CECR2: variants seen among roughly 807,000 people sequenced by gnomAD.
The protein encoded by CECR2 is chromatin remodeling regulator CECR2.
CECR2 carries 30 observed loss-of-function variants against 154.5 expected under a neutral mutation model. That is an observed-to-expected ratio of 0.19 (90% CI 0.15 to 0.26). The LOEUF is 0.26. Ranked by LOEUF, CECR2 falls within the 10% of genes least tolerant of loss-of-function variation. The pLI is 1.00. For missense variants in CECR2, 1,743 were observed against 1,829.3 expected (o/e 0.95, Z 0.86); for synonymous variants, 725 against 683.7 (o/e 1.06, Z -0.94).
chr22:17,406,102 T>G (rs912332559), intron 1 of CECR2, among the ~76,000 whole-genome samples: 1 of 152,240 alleles, frequency 6.6e-6, no homozygotes, highest in African/African-American at 2.4e-5. Flanking sequence ...ATTAATGATA[T>G]CTAATTTAAC....
At chr22:17,476,407 G>A (rs531829363) in intron 1 of CECR2, among the ~76,000 whole-genome samples, 1 of 152,036 alleles carries the variant, frequency 6.6e-6, no homozygotes, top group East Asian at 1.9e-4. Context: ...GATCACAGGT[G>A]CGTGCCACCA....
intron 1 of CECR2, among the ~76,000 whole-genome samples, chr22:17,403,894 T>C (rs60673812): frequency 0.029 from 4,434 of 152,234 alleles, 229 homozygotes; most frequent in African/African-American, 0.1. Context: ...GCATATGATA[T>C]AAAGTACTGA....
intron 1 of CECR2, among the ~76,000 whole-genome samples, chr22:17,371,507 C>A (rs2063060558): frequency 6.6e-6 from 1 of 152,158 alleles, no homozygotes; most frequent in African/African-American, 2.4e-5. Context: ...AACAGAGACA[C>A]GGAAGCTAAA....
chr22:17,503,476 T>C (rs982194395), intron 6 of CECR2, among the ~76,000 whole-genome samples: 3 of 152,234 alleles, frequency 2.0e-5, no homozygotes, highest in Non-Finnish European at 4.4e-5. Context: ...GTTTACTACA[T>C]ACTGGTTTCC....
chr22:17,496,816 T>C (rs1172252235), intron 2 of CECR2, among the ~76,000 whole-genome samples: 2 of 152,178 alleles, frequency 1.3e-5, no homozygotes, highest in Non-Finnish European at 2.9e-5. Flanking sequence ...ACACATTTGA[T>C]TATGCTTTTA....
At chr22:17,383,374 A>C (rs1209405853) in intron 1 of CECR2, among the ~76,000 whole-genome samples, 1 of 152,168 alleles carries the variant, frequency 6.6e-6, no homozygotes, top group Non-Finnish European at 1.5e-5. Flanking sequence ...CCACAGTAAA[A>C]CTTCTTTCAA....
chr22:17,454,931 G>C (rs915954210), intron 1 of CECR2, among the ~76,000 whole-genome samples: 3 of 152,198 alleles, frequency 2.0e-5, no homozygotes, highest in Admixed American at 1.3e-4. Context: ...GTTGTGCCAT[G>C]AGAGTACACC....
intron 1 of CECR2, among the ~76,000 whole-genome samples, chr22:17,389,682 C>G (rs1359831096): frequency 2.0e-5 from 3 of 152,006 alleles, no homozygotes; most frequent in African/African-American, 7.2e-5. Flanking sequence ...GGCTGGAGTT[C>G]AGTGGCACGA....
rs2056778614 is a variant in CECR2, at chr22:17,556,932, G to T, written c.*4092G>T. 6.6e-6 allele frequency: 1 copy of T among 152,072 alleles called. No homozygotes were observed. The highest frequency in any genetic ancestry group is 6.6e-5 in the Admixed American group (1 of 15,264). 9.4% of individuals were successfully genotyped at this position (152,072 alleles called of 1,614,324 possible). On this transcript the variant is annotated 3_prime_UTR_variant, in exon 19 of 19. Transcript: ENST00000262608. ...TTCAGTAAGGATACTTCTTATTTCG[G>T]TTGAGAATGCAGAGGCTTTTATTCG...
In CECR2 at chr22:17,546,772, C is replaced by T. The variant is rs2056620721; in HGVS notation, c.2861-1376C>T. On this transcript the variant is annotated intron_variant, in intron 16 of 18. Coordinates refer to ENST00000262608, the MANE Select transcript of CECR2 (RefSeq NM_001290047.2). The stretch of plus-strand genomic sequence containing the variant: ...AGATTATTTTGGCTGGGCGCGGTGG[C>T]TCACACCTGTAATCCCAGCACTTTG... Among the ~76,000 whole-genome samples, 4 of 152,034 alleles carry T rather than the reference C, an allele frequency of 2.6e-5. No individual in the cohort carries two copies. The South Asian group carries it at 8.3e-4, about 32-fold the overall frequency.
intron 1 of CECR2, among the ~76,000 whole-genome samples, chr22:17,360,867 C>CA (rs869114573): frequency 1.6e-5 from 2 of 124,154 alleles, no homozygotes; most frequent in African/African-American, 6.7e-5. Context: ...AACAAACAAA[C>CA]AAAAAACCCA....
chr22:17,485,505 C>T (rs763199915), intron 2 of CECR2, among the ~76,000 whole-genome samples: 62 of 152,302 alleles, frequency 4.1e-4, no homozygotes, highest in Middle Eastern at 3.4e-3. Flanking sequence ...TGGTGGCTCA[C>T]GCCTGTAATC....
chr22:17,366,038 C>T (rs1192560544), upstream of CECR2, among the ~76,000 whole-genome samples: 3 of 151,986 alleles, frequency 2.0e-5, no homozygotes. Context: ...AAATAGAAAA[C>T]ATTTGATTCA....
In CECR2 at chr22:17,542,779, T is replaced by C; in HGVS notation, c.2636T>C (p.Met879Thr). ...CGGGGGGTGCAGGGAGGGGACTCCA[T>C]GATGGACAGCCCAGAGATGATTGCG... is the stretch of plus-strand genomic sequence containing the variant. ...ALRGVQGGDSMMDSPEMIAMQ... is the reference protein window; with the variant it reads ...ALRGVQGGDSTMDSPEMIAMQ... Residue 879 changes from methionine to threonine, a missense_variant, in exon 16 of 19, where the codon ATG becomes ACG. By Grantham distance (81) the Met-to-Thr change is moderately conservative (BLOSUM62 -1). Coordinates refer to ENST00000262608, the MANE Select transcript of CECR2 (RefSeq NM_001290047.2). 6.2e-7 allele frequency: 1 copy of C among 1,614,008 alleles called. No individual in the cohort carries two copies. Among genetic ancestry groups the C allele is most frequent in the Non-Finnish European group, 8.5e-7 (1 of 1,179,894 alleles).
intron 9 of CECR2, among the ~76,000 whole-genome samples, chr22:17,526,454 GA>G (rs1329400230): frequency 6.6e-6 from 1 of 152,188 alleles, no homozygotes; most frequent in Admixed American, 6.5e-5. Context: ...TCCATAAGCA[GA>G]AGAATGAAAC....
At chr22:17,522,593 A>C (rs1477278326) in intron 8 of CECR2, among the ~76,000 whole-genome samples, 1 of 152,214 alleles carries the variant, frequency 6.6e-6, no homozygotes, top group Non-Finnish European at 1.5e-5. Flanking sequence ...CCTTATGGGT[A>C]CAGTGTTAAC....
In CECR2 at chr22:17,481,217, C is replaced by G. The variant is rs988981102; in HGVS notation, c.221+3535C>G. 2.0e-5 allele frequency among the ~76,000 whole-genome samples: 3 copies of G among 150,478 alleles called. No homozygotes were observed. The Admixed American group carries it at 2.0e-4, about 10-fold the overall frequency. ...AATTAGCCGGGCGTGGTGGTGGGCG[C>G]CTGTAGTCCCAGCTACTTGGGAGGC... On this transcript the variant is annotated intron_variant, in intron 2 of 18. Transcript: ENST00000262608.
Position 17,541,973 on chromosome 22 carries a change from CA to C in CECR2, c.2013+7del. ...GTCAGCCTTTCACCATGCAGGTAAGCAGCCTACTCTGGAGGTGCAGGTGCAG... is the reference window on the plus strand; with the variant it reads ...GTCAGCCTTTCACCATGCAGGTAAGCGCCTACTCTGGAGGTGCAGGTGCAG... On this transcript the variant is annotated splice_region_variant and intron_variant, in intron 15 of 18. Coordinates refer to ENST00000262608, the MANE Select transcript of CECR2 (RefSeq NM_001290047.2). The C allele has an allele frequency of 6.2e-7, 1 of 1,610,544 alleles. No homozygotes were observed.
At chr22:17,497,951 A>G (rs911414318) in intron 3 of CECR2, among the ~76,000 whole-genome samples, 1 of 152,202 alleles carries the variant, frequency 6.6e-6, no homozygotes, top group East Asian at 1.9e-4. Flanking sequence ...AATTTGATTG[A>G]AATATTTACT....
Sources: gnomAD v4.1 joint callset for allele counts (sites outside exome capture counted in the v4.1 genomes callset) on GRCh38, gnomAD v4.1.1 for gene constraint, MANE v1.5 for transcripts, NCBI Gene and HGNC (gene_info 2026-07-23, HGNC 2026-07-21) for gene names.